MCPH1: variants seen among roughly 807,000 people sequenced by gnomAD.
The protein encoded by MCPH1 is microcephalin 1.
MCPH1 carries 104 observed loss-of-function variants against 84.5 expected under a neutral mutation model. The observed-to-expected ratio is 1.23, with a 90% confidence interval of 1.05 to 1.45. The LOEUF (loss-of-function observed/expected upper bound fraction) is 1.45. Ranked by LOEUF, MCPH1 falls within the 40% of genes most tolerant of loss-of-function variation. MCPH1 has a pLI of 0.00. For synonymous variants in MCPH1, 514 were observed against 366.8 expected (o/e 1.40, Z -4.58); for missense variants, 1,498 against 1,005.7 (o/e 1.49, Z -6.62).
chr8:6,515,173 T>C (rs985419364), intron 12 of MCPH1, among the ~76,000 whole-genome samples: 7 of 151,822 alleles, frequency 4.6e-5, no homozygotes, highest in African/African-American at 1.7e-4. Context: ...AACCATTGAC[T>C]TGTGTTCACA....
intron 12 of MCPH1, among the ~76,000 whole-genome samples, chr8:6,516,911 C>G (rs1816375316): frequency 6.6e-6 from 1 of 152,122 alleles, no homozygotes; most frequent in African/African-American, 2.4e-5. Flanking sequence ...ACTGCCAGCA[C>G]ATAAATGATT....
chr8:6,555,232 C>G (rs996547723), intron 12 of MCPH1, among the ~76,000 whole-genome samples: 1 of 152,080 alleles, frequency 6.6e-6, no homozygotes, highest in African/African-American at 2.4e-5. Flanking sequence ...GTGAGATGGA[C>G]AATAACAATC....
chr8:6,600,602 C>T (rs1166955007), intron 12 of MCPH1, among the ~76,000 whole-genome samples: 2 of 152,192 alleles, frequency 1.3e-5, no homozygotes, highest in Admixed American at 1.3e-4. Flanking sequence ...GGGGCAGGGA[C>T]TTTACAATAC....
chr8:6,496,986 T>G (rs1320331325), intron 11 of MCPH1, among the ~76,000 whole-genome samples: 1 of 152,212 alleles, frequency 6.6e-6, no homozygotes, highest in Non-Finnish European at 1.5e-5. Flanking sequence ...CCTTGTTCAG[T>G]GTTTTTGCTT....
Position 6,495,094 on chromosome 8 carries a change from T to TC in MCPH1, c.2137-4758_2137-4757insC, listed in dbSNP as rs200202555. 6.7e-3 allele frequency among the ~76,000 whole-genome samples: 1,013 copies of TC among 152,318 alleles called. 16 individuals carry two copies. Among genetic ancestry groups the TC allele is most frequent in the African/African-American group, 0.024 (977 of 41,572 alleles). ...TATTATTGGCTTGAAATTTTGCCAG[T>TC]TCAAGCTGGTCTCTTTGGAAGACTA... On this transcript the variant is annotated intron_variant, in intron 11 of 13. Transcript: ENST00000344683.
At chr8:6,442,578 A>G (rs1441851215) in intron 7 of MCPH1, among the ~76,000 whole-genome samples, 1 of 152,210 alleles carries the variant, frequency 6.6e-6, no homozygotes, top group Non-Finnish European at 1.5e-5. Flanking sequence ...TAAATAGAGG[A>G]TTTCTAATTA....
chr8:6,599,500 A>G (rs1337447441), intron 12 of MCPH1, among the ~76,000 whole-genome samples: 2 of 152,218 alleles, frequency 1.3e-5, no homozygotes, highest in Non-Finnish European at 2.9e-5. Flanking sequence ...ACATTTGCCA[A>G]AGAAAATGTT....
At chr8:6,446,818 C>T in intron 8 of MCPH1, 2 of 985,204 alleles carry the variant, frequency 2.0e-6, no homozygotes, top group Non-Finnish European at 2.4e-6. Context: ...GCCTAAAATC[C>T]CCGTGTTGCT....
At chr8:6,443,246 C>T (rs1803777571) in intron 7 of MCPH1, among the ~76,000 whole-genome samples, 1 of 152,318 alleles carries the variant, frequency 6.6e-6, no homozygotes, top group African/African-American at 2.4e-5. Context: ...AGTCTGACAT[C>T]ACAGATTACA....
At chr8:6,571,300 T>C (rs1433003468) in intron 12 of MCPH1, among the ~76,000 whole-genome samples, 2 of 152,218 alleles carry the variant, frequency 1.3e-5, no homozygotes, top group East Asian at 3.8e-4. Flanking sequence ...CAGTGTTTAC[T>C]AACATGACCT....
chr8:6,634,375 G>A (rs891441207), intron 13 of MCPH1, among the ~76,000 whole-genome samples: 4 of 152,224 alleles, frequency 2.6e-5, no homozygotes, highest in Non-Finnish European at 5.9e-5. Flanking sequence ...TCTGATGCCA[G>A]AACAAGTCTG....
chr8:6,600,378 G>C (rs533102866), intron 12 of MCPH1, among the ~76,000 whole-genome samples: 9 of 152,360 alleles, frequency 5.9e-5, no homozygotes, highest in Admixed American at 2.0e-4. Context: ...CGCACAGGTG[G>C]AGGTGTAACT....
At chr8:6,506,520 C>T (rs545401486) in intron 12 of MCPH1, among the ~76,000 whole-genome samples, 48 of 152,192 alleles carry the variant, frequency 3.2e-4, no homozygotes, top group Non-Finnish European at 4.4e-4. Context: ...TAAGCACACC[C>T]TTCTCAAGGA....
At chr8:6,502,934 A>T in intron 12 of MCPH1, 1 of 716,516 alleles carries the variant, frequency 1.4e-6, no homozygotes, top group Non-Finnish European at 2.3e-6. Context: ...ATGCAAGTTT[A>T]AGTGATAAAG....
At chr8:6,442,322 G>A (rs1803639635) in intron 7 of MCPH1, among the ~76,000 whole-genome samples, 166 bp downstream of exon 7, 2 of 147,748 alleles carry the variant, frequency 1.4e-5, no homozygotes, top group South Asian at 4.5e-4. Flanking sequence ...ATTAAGGCAT[G>A]AGTTAAACTT....
rs370202384 is a variant in MCPH1 at position 6,621,489 on chromosome 8, G to A, written c.2250G>A (p.Pro750=). Residue 750 remains proline, a synonymous_variant, in exon 13 of 14, where the codon CCG becomes CCA. Coordinates refer to ENST00000344683, the MANE Select transcript of MCPH1 (RefSeq NM_024596.5). ...CRSECHLSAG[P]YRGTLFADQP... ...GCGAGTGCCACTTGTCTGCAGGGCC[G>A]TACCGCGGAACCCTCTTTGCCGACC... The A allele has an allele frequency of 6.8e-6, 11 of 1,613,986 alleles. No homozygotes were observed. The highest frequency in any genetic ancestry group is 4.0e-5 in the African/African-American group (3 of 74,928).
chr8:6,624,874 C>CTTTTTTTTTTTTTT (rs34427383), intron 13 of MCPH1: 1 of 697,218 alleles, frequency 1.4e-6, no homozygotes, highest in Non-Finnish European at 1.8e-6. Flanking sequence ...AAATCATATA[C>CTTTTTTTTTTTTTT]TTTTTTTTTT....
intron 12 of MCPH1, among the ~76,000 whole-genome samples, chr8:6,536,629 G>A (rs1320114141): frequency 6.6e-6 from 1 of 152,072 alleles, no homozygotes; most frequent in Non-Finnish European, 1.5e-5. Context: ...AATTTTTAGA[G>A]GTACAGAAAG....
intron 3 of MCPH1, among the ~76,000 whole-genome samples, chr8:6,423,528 A>C (rs1182193389): frequency 6.6e-6 from 1 of 152,076 alleles, no homozygotes; most frequent in African/African-American, 2.4e-5. Context: ...GATGCATCCC[A>C]CTTTATATAT....
Sources: gnomAD v4.1 joint callset for allele counts (sites outside exome capture counted in the v4.1 genomes callset) on GRCh38, gnomAD v4.1.1 for gene constraint, MANE v1.5 for transcripts, NCBI Gene and HGNC (gene_info 2026-07-23, HGNC 2026-07-21) for gene names.